CDH20: variants seen among roughly 807,000 people sequenced by gnomAD.
CDH20 encodes cadherin 20.
In CDH20, 29 loss-of-function variants were observed where a neutral mutation model predicts 74.2. The ratio of observed to expected loss-of-function variants is 0.39; its 90% CI spans 0.29 to 0.53. The LOEUF (loss-of-function observed/expected upper bound fraction) is 0.53, where lower values mean the gene tolerates loss of function less well. Ranked by LOEUF, CDH20 falls within the 20% of genes least tolerant of loss-of-function variation. The probability of loss-of-function intolerance (pLI) is 0.69; values close to 1 mark genes in which losing one functional copy is unlikely to be tolerated. For synonymous variants in CDH20, 469 were observed against 405.4 expected, an observed-to-expected ratio of 1.16 and a Z score of -1.88; for missense variants, 988 against 1,048.3, an observed-to-expected ratio of 0.94 and a Z score of 0.79.
intron 5 of CDH20, among the ~76,000 whole-genome samples, chr18:61,505,419 C>G (rs920462494): frequency 7.0e-4 from 105 of 150,824 alleles, no homozygotes; most frequent in African/African-American, 2.5e-3. Flanking sequence ...CTCACTGTAG[C>G]CTCAACCCCC....
chr18:61,405,177 G>C, intron 1 of CDH20: 1 of 499,056 alleles, frequency 2.0e-6, no homozygotes. Context: ...CAACTCCAGC[G>C]ACTTTTTTGT....
At chr18:61,438,661 G>A (rs747810142) in intron 1 of CDH20, among the ~76,000 whole-genome samples, 3 of 152,152 alleles carry the variant, frequency 2.0e-5, no homozygotes, top group Non-Finnish European at 4.4e-5. Flanking sequence ...TAGTGGGAAT[G>A]TTAATTAATT....
intron 6 of CDH20, among the ~76,000 whole-genome samples, chr18:61,508,864 T>A (rs778978124): frequency 1.3e-5 from 2 of 152,216 alleles, no homozygotes; most frequent in Non-Finnish European, 2.9e-5. Context: ...TGTGAACTCC[T>A]GAGCTCAGGC....
At chr18:61,484,964 A>G (rs1276024977) in intron 1 of CDH20, among the ~76,000 whole-genome samples, 1 of 152,190 alleles carries the variant, frequency 6.6e-6, no homozygotes. Flanking sequence ...AATAAGTAGG[A>G]GTGGTGGGAA....
chr18:61,498,436 C>T (rs1435970917), intron 2 of CDH20, among the ~76,000 whole-genome samples: 3 of 151,542 alleles, frequency 2.0e-5, no homozygotes, highest in Admixed American at 2.0e-4. Context: ...ATTCTGAGAG[C>T]AAATATAGCT....
intron 8 of CDH20, among the ~76,000 whole-genome samples, chr18:61,538,632 T>TTTTTTTTTTTTTTTTG (rs1912915391): frequency 8.2e-6 from 1 of 122,096 alleles, no homozygotes; most frequent in Admixed American, 8.5e-5. Flanking sequence ...TTTGTTTTTT[T>TTTTTTTTTTTTTTTTG]TTTTGAGACG....
chr18:61,539,593 G>C (rs1912954634), intron 9 of CDH20, among the ~76,000 whole-genome samples: 1 of 152,180 alleles, frequency 6.6e-6, no homozygotes, highest in South Asian at 2.1e-4. Context: ...AGTAACACCT[G>C]CTCTGAGGCC....
chr18:61,370,991 A>C (rs977096317), intron 1 of CDH20, among the ~76,000 whole-genome samples: 2 of 152,128 alleles, frequency 1.3e-5, no homozygotes, highest in Non-Finnish European at 2.9e-5. Flanking sequence ...GATGGTAATA[A>C]AATCTATGTT....
At chr18:61,420,845 G>C (rs1413076036) in intron 1 of CDH20, among the ~76,000 whole-genome samples, 1 of 152,154 alleles carries the variant, frequency 6.6e-6, no homozygotes, top group Non-Finnish European at 1.5e-5. Context: ...CCTGAGATCA[G>C]GAGTTCGAGG....
At chr18:61,480,285 G>A (rs3851139) in intron 1 of CDH20, among the ~76,000 whole-genome samples, 66,873 of 152,018 alleles carry the variant, frequency 0.44, 15,803 homozygotes, top group East Asian at 0.56. Context: ...TGTGAACCTC[G>A]AATATCTGAG....
intron 1 of CDH20, among the ~76,000 whole-genome samples, chr18:61,403,879 C>T (rs1483311236): frequency 6.6e-6 from 1 of 152,186 alleles, no homozygotes; most frequent in Non-Finnish European, 1.5e-5. Flanking sequence ...TGTACATATA[C>T]ACCATGGAAT....
chr18:61,347,539 C>CA (rs944774674), intron 1 of CDH20, among the ~76,000 whole-genome samples: 64 of 146,244 alleles, frequency 4.4e-4, no homozygotes, highest in African/African-American at 1.3e-3. Flanking sequence ...AACAAACAAA[C>CA]AAAAAAAAAA....
At chr18:61,384,916 T>A (rs1427924414) in intron 1 of CDH20, among the ~76,000 whole-genome samples, 1 of 152,142 alleles carries the variant, frequency 6.6e-6, no homozygotes, top group African/African-American at 2.4e-5. Context: ...TTTCTAAGAA[T>A]AGCAAAAATA....
At chr18:61,538,374 G>T (rs926431685) in intron 8 of CDH20, among the ~76,000 whole-genome samples, 1 of 151,784 alleles carries the variant, frequency 6.6e-6, no homozygotes, top group Non-Finnish European at 1.5e-5. Flanking sequence ...TTTAAGATTC[G>T]TTTTTTGACA....
At position 61,490,724 on chromosome 18, in the gene CDH20, C is replaced by T; in HGVS notation, c.171C>T (p.Thr57=). 6.2e-7 allele frequency: 1 copy of T among 1,614,090 alleles called. No homozygotes were observed. The change falls in exon 2 of 12, where the codon ACC becomes ACT. Residue 57 remains threonine, a synonymous_variant. Transcript: ENST00000262717. The part of the protein sequence containing the change: ...LSDKPQSHQR[T]KRSWVWNQFF... The stretch of plus-strand genomic sequence containing the variant: ...ACAAGCCACAGTCACATCAGCGGAC[C>T]AAGAGGAGCTGGGTTTGGAACCAGT...
At chr18:61,397,210 A>C (rs1912013092) in intron 1 of CDH20, among the ~76,000 whole-genome samples, 1 of 151,844 alleles carries the variant, frequency 6.6e-6, no homozygotes, top group Non-Finnish European at 1.5e-5. Flanking sequence ...ACCCACCCAC[A>C]TCTCTGCCCT....
chr18:61,429,411 ATTGT>A (rs954632304), intron 1 of CDH20, among the ~76,000 whole-genome samples: 4 of 152,148 alleles, frequency 2.6e-5, no homozygotes, highest in African/African-American at 9.6e-5. Context: ...TTAGAATGAG[ATTGT>A]TTGTGTGTGT....
chr18:61,398,946 C>T (rs536323377), intron 1 of CDH20, among the ~76,000 whole-genome samples: 1 of 152,234 alleles, frequency 6.6e-6, no homozygotes, highest in Admixed American at 6.5e-5. Flanking sequence ...CCTTTGATCC[C>T]ACGATGAAGG....
chr18:61,411,740 T>A (rs1912516120), intron 1 of CDH20, among the ~76,000 whole-genome samples: 1 of 152,036 alleles, frequency 6.6e-6, no homozygotes, highest in Non-Finnish European at 1.5e-5. Flanking sequence ...ACTATTATTC[T>A]AAGGGAAGTA....
Sources: gnomAD v4.1 joint callset for allele counts (sites outside exome capture counted in the v4.1 genomes callset) on GRCh38, gnomAD v4.1.1 for gene constraint, MANE v1.5 for transcripts, NCBI Gene and HGNC (gene_info 2026-07-23, HGNC 2026-07-21) for gene names.